The following OR2Z1 variants were observed in gnomAD, a reference collection of about 807,000 sequenced individuals.
OR2Z1 encodes olfactory receptor 2Z1.
For synonymous variants in OR2Z1, 188 were observed against 160.6 expected, an observed-to-expected ratio of 1.17 and a Z score of -1.29; for missense variants, 449 against 401.8, an observed-to-expected ratio of 1.12 and a Z score of -1.00.
At position 8,731,445 on chromosome 19, in the gene OR2Z1, G is replaced by A. The variant is rs1078042; in HGVS notation, c.417G>A (p.Gln139=). 2,264 of 1,614,052 alleles carry A rather than the reference G, an allele frequency of 1.4e-3. 29 individuals carry two copies. The African/African-American group carries it at 0.027, about 19-fold the overall frequency. Residue 139 remains glutamine, a synonymous_variant, in exon 3 of 3, where the codon CAG becomes CAA. Coordinates refer to ENST00000641125, the MANE Select transcript of OR2Z1 (RefSeq NM_001004699.3). ...PLQYPVLMRR[Q]VCLLMMGSSW... ...AGTATCCTGTACTTATGAGACGCCA[G>A]GTATGTCTGCTGATGATGGGCTCCT... is the stretch of plus-strand genomic sequence containing the variant.
In OR2Z1 at chr19:8,732,114, T is replaced by A. The variant is rs1047368949; in HGVS notation, c.*141T>A. 1 of 650,974 alleles carries A rather than the reference T, an allele frequency of 1.5e-6. No homozygotes were observed. Among genetic ancestry groups the A allele is most frequent in the East Asian group, 2.7e-5 (1 of 36,894 alleles). The allele number at this position is 650,974 out of a possible 1,614,324, so 40.3% of individuals were successfully genotyped here. On this transcript the variant is annotated 3_prime_UTR_variant, in exon 3 of 3. Coordinates refer to ENST00000641125, the MANE Select transcript of OR2Z1 (RefSeq NM_001004699.3). ...CCCAAGGTGCAACTTTTTGAGAAAA[T>A]GTCTGCCTTTTAAATTGAGGTAGAA...
At chr19:8,728,856 T>C (rs901021246) in intron 2 of OR2Z1, 65 of 641,738 alleles carry the variant, frequency 1.0e-4, no homozygotes, top group South Asian at 5.1e-4. Flanking sequence ...ATCCATGTCA[T>C]AGAGCTACTT....
chr19:8,729,136 C>T lies in OR2Z1; in HGVS notation c.-169-1724C>T, dbSNP rs563216177. ...CACCTTTCAACACTGCCTTCTTGGC[C>T]TTTAAAGCCTTCACTTTGGCTTCGG... On this transcript the variant is annotated intron_variant, in intron 2 of 2. Coordinates refer to ENST00000641125, the MANE Select transcript of OR2Z1 (RefSeq NM_001004699.3). 6.4e-6 allele frequency: 8 copies of T among 1,253,510 alleles called. No homozygotes were observed. In the East Asian group the frequency reaches 1.9e-4, roughly 30 times the overall value. 77.6% of individuals were successfully genotyped at this position (1,253,510 alleles called of 1,614,324 possible). A position where few individuals can be genotyped will look rare whatever the true frequency, so the allele number is the denominator to read the frequency against.
At chr19:8,726,051 C>T (rs550971127) in intron 2 of OR2Z1, among the ~76,000 whole-genome samples, 21 of 152,106 alleles carry the variant, frequency 1.4e-4, no homozygotes, top group African/African-American at 3.9e-4. Flanking sequence ...CTGCAGCCTC[C>T]GCCTCCTGGG....
intron 2 of OR2Z1, chr19:8,728,785 C>A (rs1044498087): frequency 4.0e-5 from 25 of 621,240 alleles, no homozygotes; most frequent in African/African-American, 3.8e-4. Context: ...TAATCAGGAG[C>A]CAGTCGAACA....
chr19:8,729,781 G>A (rs2145081159), intron 2 of OR2Z1, among the ~76,000 whole-genome samples: 1 of 152,126 alleles, frequency 6.6e-6, no homozygotes, highest in African/African-American at 2.4e-5. Context: ...GTAGAGATGG[G>A]GTTTCTCCAT....
At chr19:8,728,443 G>C (rs1405581843) in intron 2 of OR2Z1, among the ~76,000 whole-genome samples, 1 of 152,162 alleles carries the variant, frequency 6.6e-6, no homozygotes, top group Non-Finnish European at 1.5e-5. Flanking sequence ...GAAGCCACCA[G>C]TAATAGCTGA....
rs782157519 is a variant in OR2Z1 at position 8,731,848 on chromosome 19, G to C, written c.820G>C (p.Val274Leu). The C allele has an allele frequency of 1.2e-6, 2 of 1,614,162 alleles. No individual in the cohort carries two copies. The highest frequency in any genetic ancestry group is 1.7e-5 in the Admixed American group (1 of 60,012). ...AYHSPQQDNV[V>L]SLFYSLVTPT... ...CCACAGTCCACAGCAGGATAACGTG[G>C]TTTCCCTCTTCTATAGCCTTGTCAC... is the stretch of plus-strand genomic sequence containing the variant. Residue 274 changes from valine (V) to leucine (L), a missense_variant, in exon 3 of 3, where the codon GTT becomes CTT. Transcript: ENST00000641125.
Position 8,731,688 on chromosome 19 carries a change from C to A in OR2Z1, c.660C>A (p.His220Gln). The A allele has an allele frequency of 6.2e-7, 1 of 1,614,204 alleles. No homozygotes were observed. Among genetic ancestry groups the A allele is most frequent in the Non-Finnish European group, 8.5e-7 (1 of 1,180,036 alleles). The change falls in exon 3 of 3, where the codon CAC becomes CAA. Residue 220 changes from histidine to glutamine, a missense_variant. His to Gln is a conservative substitution (Grantham distance 24). Transcript: ENST00000641125. Reference protein sequence around the residue: ...PLSLIATSYGHVLQAVLSMRS... With the variant: ...PLSLIATSYGQVLQAVLSMRS... ...CCCTCATCGCCACCTCCTACGGCCA[C>A]GTGTTGCAGGCTGTTCTAAGCATGC...
In OR2Z1 at chr19:8,731,600, A is replaced by AT. The variant is rs782519501; in HGVS notation, c.573dup (p.Thr192TyrfsTer81). On this transcript the variant is annotated frameshift_variant, in exon 3 of 3. Transcript: ENST00000641125. LOFTEE classifies it low-confidence loss of function (END_TRUNC). The stretch of plus-strand genomic sequence containing the variant: ...GCCCTACTGAAGCTCTCCTGTGCAG[A>AT]TACCTGTGCCTACGAGATGGCGCTG... 3 of 1,612,992 alleles carry AT rather than the reference A, an allele frequency of 1.9e-6. No homozygotes were observed. The African/African-American group carries it at 4.0e-5, about 22-fold the overall frequency.
chr19:8,724,725 C>T (rs1050626477), intron 2 of OR2Z1, among the ~76,000 whole-genome samples: 1 of 152,092 alleles, frequency 6.6e-6, no homozygotes, highest in Non-Finnish European at 1.5e-5. Flanking sequence ...AATTATCCAC[C>T]GACAGACTTC....
At position 8,724,215 on chromosome 19, in the gene OR2Z1, G is replaced by T. The variant is rs142584710; in HGVS notation, c.-170+1065G>T. 7.2e-4 allele frequency among the ~76,000 whole-genome samples: 103 copies of T among 142,528 alleles called. 1 individual carries two copies. Among genetic ancestry groups the T allele is most frequent in the African/African-American group, 2.5e-3 (101 of 39,930 alleles). The allele number at this position is 142,528 out of a possible 152,430, so 93.5% of individuals were successfully genotyped here. A position where few individuals can be genotyped will look rare whatever the true frequency, so the allele number is the denominator to read the frequency against. On this transcript the variant is annotated intron_variant, in intron 2 of 2. Coordinates refer to ENST00000641125, the MANE Select transcript of OR2Z1 (RefSeq NM_001004699.3). ...CTTCTCATCCCCAAAATTCATAGAG[G>T]TATTAATACCTATGGTCATTTTTTT...
Position 8,731,895 on chromosome 19 carries a change from C to T in OR2Z1, c.867C>T (p.Ile289=). The T allele has an allele frequency of 6.2e-7, 1 of 1,614,238 alleles. No homozygotes were observed. The highest frequency in any genetic ancestry group is 8.5e-7 in the Non-Finnish European group (1 of 1,180,048). The change falls in exon 3 of 3, where the codon ATC becomes ATT. Residue 289 remains isoleucine (I), a synonymous_variant. Coordinates refer to ENST00000641125, the MANE Select transcript of OR2Z1 (RefSeq NM_001004699.3). ...SLVTPTLNPL[I]YSLRNPEVWM... ...TCACCCCTACACTCAACCCCCTTAT[C>T]TACAGTCTGAGGAATCCGGAGGTGT...
At chr19:8,723,906 C>T (rs1242362501) in intron 2 of OR2Z1, among the ~76,000 whole-genome samples, 1 of 150,202 alleles carries the variant, frequency 6.7e-6, no homozygotes, top group African/African-American at 2.5e-5. Context: ...TCTACCAGAC[C>T]AGGGTGGGAC....
chr19:8,729,090 C>CTTT, intron 2 of OR2Z1: 6 of 1,145,940 alleles, frequency 5.2e-6, no homozygotes, highest in Non-Finnish European at 7.7e-6. Flanking sequence ...CATGTGGGAT[C>CTTT]TTTTTTTTAG....
chr19:8,729,637 C>T (rs1399085349), intron 2 of OR2Z1, among the ~76,000 whole-genome samples: 2 of 151,738 alleles, frequency 1.3e-5, no homozygotes, highest in East Asian at 3.9e-4. Context: ...GTTGCCCAGG[C>T]CAGAGTGCAA....
At chr19:8,728,916 G>A (rs60357057) in intron 2 of OR2Z1, 631,840 of 663,868 alleles carry the variant, frequency 0.95, 301,085 homozygotes, top group East Asian at 1. Context: ...CACAATGAAC[G>A]AAAGTGTGTC....
chr19:8,726,028 C>T (rs928221912), intron 2 of OR2Z1, among the ~76,000 whole-genome samples: 4 of 151,942 alleles, frequency 2.6e-5, no homozygotes, highest in South Asian at 2.1e-4. Context: ...TGCAGTGGCA[C>T]GGTCTCGGCT....
At chr19:8,728,784 GC>G (rs1555756409) in intron 2 of OR2Z1, 1 of 620,942 alleles carries the variant, frequency 1.6e-6, no homozygotes, top group Admixed American at 1.8e-5. Context: ...ATAATCAGGA[GC>G]CAGTCGAACA....
Sources: gnomAD v4.1 joint callset for allele counts (sites outside exome capture counted in the v4.1 genomes callset) on GRCh38, gnomAD v4.1.1 for gene constraint, MANE v1.5 for transcripts, NCBI Gene and HGNC (gene_info 2026-07-23, HGNC 2026-07-21) for gene names.